The following CREM variants were observed in gnomAD, a reference collection of about 807,000 sequenced individuals.
CREM encodes the protein cAMP-responsive element modulator.
Under a neutral mutation model 37.3 loss-of-function variants are expected in CREM, and 13 were observed. The ratio of observed to expected loss-of-function variants is 0.35; its 90% CI spans 0.23 to 0.55. The LOEUF is 0.55. CREM is among the 20% of genes least tolerant of loss of function. The probability of loss-of-function intolerance (pLI) is 0.88; values close to 1 mark genes in which losing one functional copy is unlikely to be tolerated. For missense variants in CREM, 296 were observed against 362.3 expected (o/e 0.82, Z 1.49); for synonymous variants, 124 against 120.2 (o/e 1.03, Z -0.21).
At chr10:35,197,419 T>G (rs2095233057) in intron 6 of CREM, among the ~76,000 whole-genome samples, 1 of 52,772 alleles carries the variant, frequency 1.9e-5, no homozygotes, top group African/African-American at 8.7e-5. Context: ...CATTTTACTT[T>G]ATTTATTTAT....
chr10:35,180,762 C>T (rs1259448881), intron 5 of CREM, among the ~76,000 whole-genome samples: 1 of 152,182 alleles, frequency 6.6e-6, no homozygotes, highest in Non-Finnish European at 1.5e-5. Context: ...GCTGATGAGC[C>T]TCTACAGCAC....
chr10:35,161,806 A>G (rs1395605143), intron 3 of CREM, among the ~76,000 whole-genome samples: 1 of 152,202 alleles, frequency 6.6e-6, no homozygotes, highest in Admixed American at 6.5e-5. Context: ...AGAAAAGGGA[A>G]CACTTATACA....
intron 3 of CREM, among the ~76,000 whole-genome samples, chr10:35,151,908 C>T (rs1017594761): frequency 6.6e-6 from 1 of 152,038 alleles, no homozygotes; most frequent in Non-Finnish European, 1.5e-5. Context: ...AGCAGCTGTT[C>T]GTTTATGAGT....
chr10:35,166,394 C>T (rs530201225), intron 3 of CREM, among the ~76,000 whole-genome samples: 1 of 152,036 alleles, frequency 6.6e-6, no homozygotes, highest in African/African-American at 2.4e-5. Context: ...AACTCCGTCT[C>T]TACTAAAATT....
At chr10:35,161,760 A>C (rs888656089) in intron 3 of CREM, among the ~76,000 whole-genome samples, 1 of 152,202 alleles carries the variant, frequency 6.6e-6, no homozygotes, top group Non-Finnish European at 1.5e-5. Flanking sequence ...TTATTATCAA[A>C]ATGACAAAAG....
intron 3 of CREM, chr10:35,176,146 T>A: frequency 8.1e-7 from 1 of 1,228,234 alleles, no homozygotes; most frequent in Non-Finnish European, 1.1e-6. Context: ...TCTCCTTGCG[T>A]AAGGTGCTCT....
intron 3 of CREM, among the ~76,000 whole-genome samples, chr10:35,160,901 A>G (rs1199028175): frequency 6.6e-6 from 1 of 151,392 alleles, no homozygotes; most frequent in Non-Finnish European, 1.5e-5. Context: ...TTCCACCTTC[A>G]TATCCTGTCC....
intron 1 of CREM, among the ~76,000 whole-genome samples, chr10:35,129,479 C>G (rs574260733): frequency 8.9e-4 from 136 of 152,246 alleles, no homozygotes; most frequent in African/African-American, 3.0e-3. Context: ...TATAAGGAAT[C>G]CTGACTGAAT....
chr10:35,132,404 C>G (rs74836516), intron 1 of CREM, among the ~76,000 whole-genome samples: 4 of 151,904 alleles, frequency 2.6e-5, no homozygotes, highest in African/African-American at 7.2e-5. Context: ...AAAAGAGACA[C>G]TTACTGAATA....
chr10:35,147,308 C>T (rs1205209908), intron 2 of CREM, among the ~76,000 whole-genome samples: 1 of 152,046 alleles, frequency 6.6e-6, no homozygotes, highest in Non-Finnish European at 1.5e-5. Context: ...CCGCCTCAGC[C>T]TCCCAAAGTG....
chr10:35,188,484 G>GT, intron 6 of CREM, 96 bp downstream of exon 6: 1 of 1,124,832 alleles, frequency 8.9e-7, no homozygotes, highest in Non-Finnish European at 1.2e-6. Context: ...TAGATCGAAG[G>GT]TAGATGGTGG....
chr10:35,211,805 A>C lies in CREM; in HGVS notation c.*407A>C. The C allele has an allele frequency of 6.2e-7, 1 of 1,602,436 alleles. No individual in the cohort carries two copies. The highest frequency in any genetic ancestry group is 8.5e-7 in the Non-Finnish European group (1 of 1,176,000). On this transcript the variant is annotated 3_prime_UTR_variant, in exon 8 of 8. Transcript: ENST00000685392. Reference sequence around the variant, plus strand: ...TGTTCTCCCAAAACAGATTACTAGAAATATTTAACTATGAACTGAAGGCAG... The same window carrying C: ...TGTTCTCCCAAAACAGATTACTAGACATATTTAACTATGAACTGAAGGCAG...
intron 3 of CREM, among the ~76,000 whole-genome samples, chr10:35,151,106 G>A (rs1290448874): frequency 6.6e-6 from 1 of 152,140 alleles, no homozygotes; most frequent in Non-Finnish European, 1.5e-5. Context: ...GAAACAAAGG[G>A]GTGAGAACTG....
intron 1 of CREM, among the ~76,000 whole-genome samples, chr10:35,130,221 T>TAAA (rs1322446113): frequency 7.0e-6 from 1 of 142,368 alleles, no homozygotes; most frequent in African/African-American, 3.0e-5. Context: ...AAAAAAAAAT[T>TAAA]TTTTTTGGAA....
At chr10:35,171,543 T>G (rs1225068137) in intron 3 of CREM, among the ~76,000 whole-genome samples, 8 of 152,226 alleles carry the variant, frequency 5.3e-5, no homozygotes, top group Non-Finnish European at 1.2e-4. Context: ...TAAAGGATGA[T>G]TTATGCCTAT....
intron 3 of CREM, among the ~76,000 whole-genome samples, chr10:35,172,440 G>C (rs1201544084): frequency 6.6e-6 from 1 of 152,052 alleles, no homozygotes; most frequent in Admixed American, 6.6e-5. Flanking sequence ...CTTTTTCTCT[G>C]TTTTGATATC....
At chr10:35,205,235 AACTT>A (rs1329839762) in intron 6 of CREM, among the ~76,000 whole-genome samples, 5 of 152,220 alleles carry the variant, frequency 3.3e-5, no homozygotes, top group South Asian at 2.1e-4. Context: ...AAACTTTGAG[AACTT>A]ACTTTTAGTA....
intron 5 of CREM, among the ~76,000 whole-genome samples, chr10:35,187,008 TATA>T (rs1263160621): frequency 2.0e-4 from 18 of 88,206 alleles, no homozygotes; most frequent in East Asian, 1.8e-3. Context: ...TTATATATAA[TATA>T]ATATATAATA....
At chr10:35,135,188 A>C (rs1439896291) in intron 1 of CREM, among the ~76,000 whole-genome samples, 1 of 152,222 alleles carries the variant, frequency 6.6e-6, no homozygotes, top group African/African-American at 2.4e-5. Context: ...ATGGCCTTCA[A>C]AATATGGCAG....
Sources: allele counts gnomAD v4.1 joint callset (sites outside exome capture counted in the v4.1 genomes callset), GRCh38; gene constraint gnomAD v4.1.1; transcripts MANE v1.5; gene names NCBI Gene and HGNC (gene_info 2026-07-23, HGNC 2026-07-21).